Variants in SEMA4D observed in about 807,000 individuals in gnomAD.
SEMA4D encodes the protein semaphorin-4D.
Under a neutral mutation model 74.8 loss-of-function variants are expected in SEMA4D, and 22 were observed. That is an observed-to-expected ratio of 0.29 (90% CI 0.21 to 0.42). SEMA4D has a LOEUF of 0.42. Among genes scored for constraint, SEMA4D ranks in the 10% least tolerant of loss-of-function variants. The pLI, the probability that SEMA4D is intolerant of heterozygous loss-of-function variation, is 1.00. For synonymous variants in SEMA4D, 445 were observed against 463.7 expected, an observed-to-expected ratio of 0.96 and a Z score of 0.52; for missense variants, 937 against 1,118.4, an observed-to-expected ratio of 0.84 and a Z score of 2.31.
At chr9:89,389,983 G>C (rs1277952558) in intron 9 of SEMA4D, among the ~76,000 whole-genome samples, 2 of 152,252 alleles carry the variant, frequency 1.3e-5, no homozygotes, top group South Asian at 2.1e-4. Context: ...TAGTCCAGGA[G>C]TTCAAACAAG....
Position 89,379,020 on chromosome 9 carries a change from C to T in SEMA4D, c.2273G>A (p.Gly758Glu). Residue 758 changes from glycine (G) to glutamate (E), a missense_variant, in exon 16 of 16, where the codon GGA (glycine) becomes GAA (glutamate). Coordinates refer to ENST00000422704, the MANE Select transcript of SEMA4D (RefSeq NM_001371194.2). ...TTTCAAGCACTGTCTGGGCAGGTAT[C>T]CCTTATAGCAGTTGTAGAAAAAGAG... ...LCLFFYNCYK[G>E]YLPRQCLKFR... 1.2e-6 allele frequency: 2 copies of T among 1,611,774 alleles called. No homozygotes were observed. The highest frequency in any genetic ancestry group is 1.7e-6 in the Non-Finnish European group (2 of 1,178,768).
chr9:89,402,742 TG>T, intron 4 of SEMA4D, 128 bp downstream of exon 4: 1 of 958,148 alleles, frequency 1.0e-6, no homozygotes, highest in Non-Finnish European at 1.5e-6. Context: ...CACCCAAAGA[TG>T]GGGCTGCATG....
intron 1 of SEMA4D, among the ~76,000 whole-genome samples, chr9:89,487,912 A>G (rs558088182): frequency 8.5e-5 from 13 of 152,326 alleles, no homozygotes; most frequent in African/African-American, 3.1e-4. Flanking sequence ...TATTGTTACA[A>G]TGTTTTTTCC....
chr9:89,450,659 GGAAAAAAAAAAAAAA>G lies in SEMA4D; in HGVS notation c.-244+5214_-244+5228del, dbSNP rs1345235634. 131 of 421,238 alleles carry G rather than the reference GGAAAAAAAAAAAAAA, an allele frequency of 3.1e-4. 4 individuals carry two copies. The highest frequency in any genetic ancestry group is 3.0e-3 in the African/African-American group (98 of 32,582). The allele number at this position is 421,238 out of a possible 1,614,324, so 26.1% of individuals were successfully genotyped here. A position where few individuals can be genotyped will look rare whatever the true frequency, so the allele number is the denominator to read the frequency against. On this transcript the variant is annotated intron_variant, in intron 2 of 15. Coordinates refer to ENST00000422704, the MANE Select transcript of SEMA4D (RefSeq NM_001371194.2). ...AGAGTTCTGCAAGTCGAAAAACCCAGGAAAAAAAAAAAAAAAAAAAAAAAAAAAGGCCTCCAAGAC... is the reference window on the plus strand; with the variant it reads ...AGAGTTCTGCAAGTCGAAAAACCCAGAAAAAAAAAAAAAGGCCTCCAAGAC...
chr9:89,377,074 A>T (rs1243171213), downstream of SEMA4D: 1 of 1,518,688 alleles, frequency 6.6e-7, no homozygotes, highest in East Asian at 2.5e-5. Context: ...GAGGACAGAA[A>T]AGAGAGGGCA....
At chr9:89,456,873 C>T (rs1856063181) in intron 1 of SEMA4D, among the ~76,000 whole-genome samples, 3 of 152,194 alleles carry the variant, frequency 2.0e-5, no homozygotes, top group Admixed American at 2.0e-4. Context: ...AGGCATGAGC[C>T]ACCGCGTCCA....
intron 13 of SEMA4D, chr9:89,384,885 T>A (rs1206849123): frequency 1.0e-6 from 1 of 985,272 alleles, no homozygotes; most frequent in Non-Finnish European, 1.2e-6. Flanking sequence ...CACCCCCACC[T>A]GGAGCCTACT....
At chr9:89,491,809 G>A (rs1322151746) in intron 1 of SEMA4D, among the ~76,000 whole-genome samples, 2 of 152,118 alleles carry the variant, frequency 1.3e-5, no homozygotes, top group African/African-American at 4.8e-5. Flanking sequence ...ACTCACTAAG[G>A]TGATGAGGAA....
At chr9:89,374,066 C>T (rs1236196974), downstream of SEMA4D, among the ~76,000 whole-genome samples, 1 of 152,240 alleles carries the variant, frequency 6.6e-6, no homozygotes, top group Non-Finnish European at 1.5e-5. Flanking sequence ...GGAGGTCTCA[C>T]AGCCTTCGCA....
intron 1 of SEMA4D, among the ~76,000 whole-genome samples, chr9:89,482,378 CG>C (rs1824787664): frequency 6.6e-6 from 1 of 152,206 alleles, no homozygotes; most frequent in Admixed American, 6.5e-5. Flanking sequence ...AAGAACAGCA[CG>C]GGCCACACTC....
rs1217209693 is a variant in SEMA4D, at chr9:89,388,997, C to T, written c.825G>A (p.Leu275=). ...RTLQKKWTSF[L]KARLICSRPD... ...GCCGGGAGCAGATGAGTCGGGCTTT[C>T]AGGAAGGAGGTCCATTTCTTCTGCA... The change falls in exon 10 of 16, where the codon CTG becomes CTA. Residue 275 remains leucine (L), a synonymous_variant. Transcript: ENST00000422704. 1 of 1,614,042 alleles carries T rather than the reference C, an allele frequency of 6.2e-7. No homozygotes were observed. Among genetic ancestry groups the T allele is most frequent in the Non-Finnish European group, 8.5e-7 (1 of 1,180,046 alleles).
At chr9:89,448,253 A>G (rs1393338404) in intron 2 of SEMA4D, among the ~76,000 whole-genome samples, 1 of 152,182 alleles carries the variant, frequency 6.6e-6, no homozygotes, top group African/African-American at 2.4e-5. Flanking sequence ...TGGGATTTAC[A>G]AGAGTAAGCC....
intron 1 of SEMA4D, among the ~76,000 whole-genome samples, chr9:89,469,181 G>C (rs1023932421): frequency 6.6e-6 from 1 of 152,146 alleles, no homozygotes; most frequent in Non-Finnish European, 1.5e-5. Flanking sequence ...CAACAACTTA[G>C]AGGAAATGAT....
intron 1 of SEMA4D, among the ~76,000 whole-genome samples, chr9:89,466,223 C>T (rs1249514096): frequency 6.6e-6 from 1 of 152,166 alleles, no homozygotes; most frequent in Non-Finnish European, 1.5e-5. Context: ...CAATGACACA[C>T]ACAAACATAA....
intron 2 of SEMA4D, among the ~76,000 whole-genome samples, chr9:89,453,242 G>A (rs556642629): frequency 1.3e-5 from 2 of 152,336 alleles, no homozygotes; most frequent in South Asian, 4.1e-4. Flanking sequence ...AAAGACTACA[G>A]GGTTGTTGTA....
chr9:89,390,541 T>C (rs1327168562), intron 9 of SEMA4D, among the ~76,000 whole-genome samples: 2 of 152,198 alleles, frequency 1.3e-5, no homozygotes, highest in African/African-American at 4.8e-5. Flanking sequence ...GCCATAGGCA[T>C]GAAAGGAACC....
chr9:89,363,573 A>G lies in SEMA4D; in HGVS notation c.2093-46T>C, dbSNP rs1385794564. The G allele has an allele frequency of 1.9e-6, 3 of 1,610,850 alleles. No homozygotes were observed. The African/African-American group carries it at 4.0e-5, about 22-fold the overall frequency. On this transcript the variant is annotated intron_variant, in intron 17 of 18. Transcript: ENST00000339861. The stretch of plus-strand genomic sequence containing the variant: ...CCAGGTCAAAGCTCTGTGGGCCTTT[A>G]TGGCACCCTTGATGCCCACTGGCCA...
At chr9:89,432,352 C>T (rs1000008314) in intron 2 of SEMA4D, among the ~76,000 whole-genome samples, 1 of 151,976 alleles carries the variant, frequency 6.6e-6, no homozygotes, top group African/African-American at 2.4e-5. Flanking sequence ...GGGACAGGAC[C>T]CTGGGGAGTT....
At chr9:89,472,403 CAAG>C (rs1437015767) in intron 1 of SEMA4D, 3 of 320,740 alleles carry the variant, frequency 9.4e-6, no homozygotes, top group Non-Finnish European at 1.8e-5. Context: ...ACTGGGCATC[CAAG>C]AACAATTTAT....
Sources: gnomAD v4.1 joint callset for allele counts (sites outside exome capture counted in the v4.1 genomes callset) on GRCh38, gnomAD v4.1.1 for gene constraint, MANE v1.5 for transcripts, NCBI Gene and HGNC (gene_info 2026-07-23, HGNC 2026-07-21) for gene names.